The following AGBL4 variants were observed in gnomAD, a reference collection of about 807,000 sequenced individuals.
AGBL4 encodes AGBL carboxypeptidase 4, also known as cytosolic carboxypeptidase 6.
In AGBL4, 58 loss-of-function variants were observed where a neutral mutation model predicts 66.4. The ratio of observed to expected loss-of-function variants is 0.87; its 90% CI spans 0.71 to 1.09. The LOEUF is 1.09. Among genes scored for constraint, AGBL4 ranks in the 50% least tolerant of loss-of-function variants. The pLI, the probability that AGBL4 is intolerant of heterozygous loss-of-function variation, is 0.00. For missense variants in AGBL4, 579 were observed against 631.0 expected, an observed-to-expected ratio of 0.92 and a Z score of 0.88; for synonymous variants, 234 against 222.9, an observed-to-expected ratio of 1.05 and a Z score of -0.44.
At chr1:48,802,249 AT>A (rs1318164083) in intron 6 of AGBL4, among the ~76,000 whole-genome samples, 1 of 151,938 alleles carries the variant, frequency 6.6e-6, no homozygotes. Context: ...TTTCTCACTG[AT>A]TTTTGCCTGG....
chr1:50,008,147 TCTGCA>T (rs1661274427), intron 1 of AGBL4, among the ~76,000 whole-genome samples: 1 of 152,204 alleles, frequency 6.6e-6, no homozygotes, highest in African/African-American at 2.4e-5. Context: ...ACAGATGCAA[TCTGCA>T]CTGTAGACCA....
At chr1:49,994,537 C>G (rs1660215508) in intron 1 of AGBL4, 1 of 152,262 alleles carries the variant, frequency 6.6e-6, no homozygotes, top group Non-Finnish European at 1.5e-5. Flanking sequence ...CACAATCATG[C>G]CACTGCACTC....
rs151048848 is a variant in AGBL4 at position 49,720,730 on chromosome 1, G to A, written c.158-23293C>T. Among the ~76,000 whole-genome samples the A allele has an allele frequency of 2.1e-3, 327 of 152,166 alleles. 2 individuals are homozygous for A. The highest frequency in any genetic ancestry group is 7.3e-3 in the African/African-American group (302 of 41,546). ...AGAACAGTTGCTGCTGCATAGAAGT[G>A]AATAGGCATAAAAGAAGCTATTAAT... On this transcript the variant is annotated intron_variant, in intron 2 of 13. Transcript: ENST00000371839.
chr1:48,656,244 CAA>C (rs1217215877), intron 7 of AGBL4, among the ~76,000 whole-genome samples: 57 of 152,368 alleles, frequency 3.7e-4, no homozygotes, highest in African/African-American at 1.2e-3. Context: ...CCTCTCTAGC[CAA>C]ACCTCAACTG....
intron 4 of AGBL4, among the ~76,000 whole-genome samples, chr1:49,130,092 G>T (rs1203997292): frequency 3.3e-5 from 5 of 152,034 alleles, no homozygotes; most frequent in South Asian, 4.1e-4. Context: ...TCATGTGTCT[G>T]TTGGCTGCAT....
At chr1:49,715,287 A>T (rs1306026527) in intron 2 of AGBL4, among the ~76,000 whole-genome samples, 1 of 152,104 alleles carries the variant, frequency 6.6e-6, no homozygotes, top group Non-Finnish European at 1.5e-5. Flanking sequence ...CCCTCAAAGG[A>T]CATGTACTCA....
chr1:49,916,001 C>T (rs560093684), intron 1 of AGBL4, among the ~76,000 whole-genome samples: 3 of 152,294 alleles, frequency 2.0e-5, no homozygotes, highest in African/African-American at 4.8e-5. Context: ...CAGCAAACTC[C>T]AACAGACCTT....
intron 3 of AGBL4, among the ~76,000 whole-genome samples, chr1:49,281,905 C>T (rs1366739007): frequency 6.6e-6 from 1 of 152,298 alleles, no homozygotes; most frequent in South Asian, 2.1e-4. Context: ...GTTCTGTGAG[C>T]TGCTTTAGCA....
chr1:49,494,410 T>A (rs532416677), intron 3 of AGBL4, among the ~76,000 whole-genome samples: 13 of 152,012 alleles, frequency 8.6e-5, no homozygotes, highest in Non-Finnish European at 1.9e-4. Flanking sequence ...TATCTCCCAA[T>A]GCTATCCCTC....
intron 9 of AGBL4, among the ~76,000 whole-genome samples, chr1:48,630,832 C>G (rs1432051936): frequency 1.3e-5 from 2 of 152,158 alleles, no homozygotes; most frequent in Non-Finnish European, 2.9e-5. Flanking sequence ...TTCCAGCCTC[C>G]TGAGTAAGAC....
intron 6 of AGBL4, among the ~76,000 whole-genome samples, chr1:48,841,429 GAGA>G (rs1646800516): frequency 1.6e-5 from 2 of 128,626 alleles, no homozygotes; most frequent in South Asian, 4.8e-4. Context: ...AAAGAAGAGA[GAGA>G]AGGAGCAGGT....
At chr1:48,661,513 C>A (rs374982622) in intron 7 of AGBL4, among the ~76,000 whole-genome samples, 1 of 152,202 alleles carries the variant, frequency 6.6e-6, no homozygotes, top group Non-Finnish European at 1.5e-5. Flanking sequence ...GAGAAGCCAG[C>A]GGGCAGGCAT....
intron 2 of AGBL4, chr1:49,845,318 A>C: frequency 6.5e-7 from 1 of 1,530,098 alleles, no homozygotes; most frequent in East Asian, 2.3e-5. Context: ...CACACAGGCG[A>C]GAAACCCTAT....
intron 5 of AGBL4, among the ~76,000 whole-genome samples, chr1:48,919,192 C>T (rs1351996312): frequency 1.3e-5 from 2 of 152,136 alleles, no homozygotes; most frequent in Non-Finnish European, 2.9e-5. Flanking sequence ...TGAACTATCT[C>T]AGTGGTTTAC....
chr1:49,686,172 T>A (rs141146725), intron 3 of AGBL4, among the ~76,000 whole-genome samples: 113 of 152,252 alleles, frequency 7.4e-4, no homozygotes, highest in African/African-American at 2.5e-3. Flanking sequence ...CCCCAGTGGT[T>A]GTTATTGTCA....
intron 8 of AGBL4, chr1:48,647,544 T>G: frequency 2.6e-6 from 1 of 385,598 alleles, no homozygotes; most frequent in Non-Finnish European, 5.2e-6. Context: ...CCAATAAATT[T>G]ATTCAAAGGT....
chr1:48,775,826 G>A (rs995874218), intron 6 of AGBL4, among the ~76,000 whole-genome samples: 4 of 152,212 alleles, frequency 2.6e-5, no homozygotes, highest in South Asian at 2.1e-4. Flanking sequence ...GCCCTGGCAG[G>A]GCAGGGATGA....
intron 3 of AGBL4, among the ~76,000 whole-genome samples, chr1:49,649,947 T>C (rs947212769): frequency 6.6e-6 from 1 of 152,008 alleles, no homozygotes; most frequent in Non-Finnish European, 1.5e-5. Flanking sequence ...TTAATAAAAA[T>C]GAAAGGACAA....
At chr1:49,341,992 G>A (rs1479673045) in intron 3 of AGBL4, among the ~76,000 whole-genome samples, 1 of 152,088 alleles carries the variant, frequency 6.6e-6, no homozygotes, top group Non-Finnish European at 1.5e-5. Flanking sequence ...GGCTTCCCTG[G>A]TTTACTGGTC....
Sources: allele counts gnomAD v4.1 joint callset (sites outside exome capture counted in the v4.1 genomes callset), GRCh38; gene constraint gnomAD v4.1.1; transcripts MANE v1.5; gene names NCBI Gene and HGNC (gene_info 2026-07-23, HGNC 2026-07-21).